DOCK5: variants seen among roughly 807,000 people sequenced by gnomAD.
DOCK5 encodes the protein dedicator of cytokinesis 5.
DOCK5 carries 142 observed loss-of-function variants against 251.8 expected under a neutral mutation model. That is an observed-to-expected ratio of 0.56 (90% confidence interval 0.49 to 0.65). The LOEUF (loss-of-function observed/expected upper bound fraction) is 0.65, where lower values mean the gene tolerates loss of function less well. DOCK5 is among the 30% of genes least tolerant of loss of function. The pLI is 0.00. For missense variants in DOCK5, 2,111 were observed against 2,312.3 expected (o/e 0.91, Z 1.79); for synonymous variants, 842 against 835.5 (o/e 1.01, Z -0.13).
intron 1 of DOCK5, among the ~76,000 whole-genome samples, chr8:25,231,346 C>G (rs969580245): frequency 6.6e-6 from 1 of 152,124 alleles, no homozygotes; most frequent in African/African-American, 2.4e-5. Flanking sequence ...ACAGTGCTTC[C>G]GTGAACTTTC....
chr8:25,299,054 A>G lies in DOCK5; in HGVS notation c.717A>G (p.Ala239=). ...KNFVCNIGED[A]ELFMALYDPD... ...TTGTCTGCAACATCGGGGAAGATGC[A>G]GAGTTGTTTATGGCCCTCTACGACC... Residue 239 remains alanine (A), a synonymous_variant, in exon 8 of 52, where the codon GCA becomes GCG. Transcript: ENST00000276440. 6.2e-7 allele frequency: 1 copy of G among 1,613,926 alleles called. No individual in the cohort carries two copies. The highest frequency in any genetic ancestry group is 8.5e-7 in the Non-Finnish European group (1 of 1,179,874).
chr8:25,358,946 T>C lies in DOCK5; in HGVS notation c.2851-17T>C, dbSNP rs187632291. On this transcript the variant is annotated splice_polypyrimidine_tract_variant and intron_variant, in intron 27 of 51. Transcript: ENST00000276440. ...GGTCTAAGGAGTCTTGGATTTGTGC[T>C]TTCCTTTTCCTTCCAGGGGAGTTTT... is the stretch of plus-strand genomic sequence containing the variant. The C allele has an allele frequency of 3.1e-6, 5 of 1,611,894 alleles. No individual in the cohort carries two copies. Among genetic ancestry groups the C allele is most frequent in the Non-Finnish European group, 4.2e-6 (5 of 1,177,944 alleles).
chr8:25,392,973 A>G, intron 44 of DOCK5, 91 bp downstream of exon 44: 1 of 1,136,262 alleles, frequency 8.8e-7, no homozygotes, highest in South Asian at 1.3e-5. Context: ...AGTTCACACC[A>G]GCTTGGCCAG....
rs913154829 is a variant in DOCK5 at position 25,185,057 on chromosome 8, GC to G, written c.43+107del. 1.3e-5 allele frequency: 15 copies of G among 1,186,246 alleles called. No individual in the cohort carries two copies. The African/African-American group carries it at 2.1e-4, about 16-fold the overall frequency. 73.5% of individuals were successfully genotyped at this position (1,186,246 alleles called of 1,614,324 possible). A position where few individuals can be genotyped will look rare whatever the true frequency, so the allele number is the denominator to read the frequency against. On this transcript the variant is annotated intron_variant, in intron 1 of 51. Coordinates refer to ENST00000276440, the MANE Select transcript of DOCK5 (RefSeq NM_024940.8). The stretch of plus-strand genomic sequence containing the variant: ...GCCCGGCGGAGGACCCTGGCCGGGG[GC>G]TCGGCCCGGCTGCGCAGCTCTGGGA...
At chr8:25,217,189 T>G (rs1510762) in intron 1 of DOCK5, among the ~76,000 whole-genome samples, 15,558 of 148,208 alleles carry the variant, frequency 0.1, 2,206 homozygotes, top group African/African-American at 0.33. Context: ...GAGAGAGAGA[T>G]ATATATATAT....
At chr8:25,316,971 C>G (rs374968332) in intron 13 of DOCK5, 36 bp from the exon 14 acceptor site, 156 of 1,608,966 alleles carry the variant, frequency 9.7e-5, no homozygotes, top group Non-Finnish European at 1.3e-4. Context: ...AATGACTTCT[C>G]TCAGCAACAC....
At chr8:25,279,429 AG>A (rs1804129818) in intron 5 of DOCK5, among the ~76,000 whole-genome samples, 1 of 152,062 alleles carries the variant, frequency 6.6e-6, no homozygotes, top group African/African-American at 2.4e-5. Context: ...ATTGGCAGCA[AG>A]TCTGCCTCAT....
intron 3 of DOCK5, among the ~76,000 whole-genome samples, chr8:25,271,450 G>A (rs1431026323): frequency 5.3e-5 from 8 of 152,212 alleles, no homozygotes; most frequent in African/African-American, 1.7e-4. Context: ...CCGTCATTAA[G>A]AGATCAGCTC....
chr8:25,411,118 T>C (rs556965754), intron 51 of DOCK5, 76 bp from the exon 52 acceptor site: 3 of 1,415,112 alleles, frequency 2.1e-6, no homozygotes, highest in South Asian at 1.5e-5. Flanking sequence ...AAGCAGAATA[T>C]GAGAAATAGG....
intron 18 of DOCK5, among the ~76,000 whole-genome samples, chr8:25,327,841 G>A (rs926640595): frequency 1.1e-4 from 16 of 152,094 alleles, no homozygotes; most frequent in Admixed American, 9.8e-4. Flanking sequence ...ATAGTTAATA[G>A]TATAGTGTAT....
intron 30 of DOCK5, among the ~76,000 whole-genome samples, chr8:25,365,364 G>C (rs139917264): frequency 1.2e-3 from 176 of 152,314 alleles, no homozygotes; most frequent in African/African-American, 4.0e-3. Flanking sequence ...GTCTTTGCGT[G>C]TATCTGTGGA....
intron 1 of DOCK5, among the ~76,000 whole-genome samples, chr8:25,199,600 C>A (rs1343258792): frequency 6.6e-6 from 1 of 152,190 alleles, no homozygotes; most frequent in Non-Finnish European, 1.5e-5. Context: ...CCAAGCTGGT[C>A]TTGAACTCCT....
intron 1 of DOCK5, among the ~76,000 whole-genome samples, chr8:25,201,560 C>T (rs1046569523): frequency 1.3e-5 from 2 of 152,152 alleles, no homozygotes; most frequent in Non-Finnish European, 2.9e-5. Flanking sequence ...GCTGTGGAGC[C>T]GGGCAGCCAA....
intron 38 of DOCK5, among the ~76,000 whole-genome samples, chr8:25,379,009 C>A (rs1398432362): frequency 2.0e-5 from 3 of 152,148 alleles, no homozygotes; most frequent in African/African-American, 7.2e-5. Context: ...GGTGTACCAA[C>A]AGGGAGCAGG....
intron 40 of DOCK5, among the ~76,000 whole-genome samples, chr8:25,385,107 G>T (rs1403947880): frequency 6.6e-6 from 1 of 152,158 alleles, no homozygotes; most frequent in Non-Finnish European, 1.5e-5. Context: ...AGTGCAGCAG[G>T]CACAGAGAGA....
chr8:25,233,708 C>G (rs1279475219), intron 1 of DOCK5, among the ~76,000 whole-genome samples: 5 of 152,186 alleles, frequency 3.3e-5, no homozygotes, highest in Non-Finnish European at 7.3e-5. Flanking sequence ...TGGTCTATCA[C>G]TTTTCTTTCT....
chr8:25,369,766 G>T lies in DOCK5; in HGVS notation c.3524+125G>T, dbSNP rs530432924. The T allele has an allele frequency of 2.9e-4, 211 of 715,438 alleles. 1 individual carries two copies. The African/African-American group carries it at 3.4e-3, about 11-fold the overall frequency. The allele number at this position is 715,438 out of a possible 1,614,324, so 44.3% of individuals were successfully genotyped here. ...GAGTCACTAGGGCCACCCCCACTGTGGTCTTCAGTATGGTTATGGGGTGTA... is the reference window on the plus strand; with the variant it reads ...GAGTCACTAGGGCCACCCCCACTGTTGTCTTCAGTATGGTTATGGGGTGTA... On this transcript the variant is annotated intron_variant, in intron 34 of 51. Transcript: ENST00000276440.
In DOCK5 at chr8:25,323,912, C is replaced by T; in HGVS notation, c.1680C>T (p.Thr560=). Residue 560 remains threonine, a synonymous_variant, in exon 17 of 52, where the codon ACC becomes ACT. Coordinates refer to ENST00000276440, the MANE Select transcript of DOCK5 (RefSeq NM_024940.8). ...AFVKLMNPDG[T]TLQDGRHDLV... is the part of the protein sequence containing the mutation. ...TGAAGCTGATGAACCCGGATGGCAC[C>T]ACTCTGCAGGATGGGAGGCACGATC... 6.2e-7 allele frequency: 1 copy of T among 1,613,322 alleles called. No homozygotes were observed. The highest frequency in any genetic ancestry group is 1.1e-5 in the South Asian group (1 of 90,840).
chr8:25,382,760 C>A lies in DOCK5; in HGVS notation c.4113C>A (p.Gly1371=), dbSNP rs748654502. The part of the protein sequence containing the change: ...EYFAVGYYGQ[G]FPSFLRNKIF... ...TTGCTGTTGGATACTATGGACAGGGCTTTCCTTCTTTCCTACGGGTAAGAA... is the reference window on the plus strand; with the variant it reads ...TTGCTGTTGGATACTATGGACAGGGATTTCCTTCTTTCCTACGGGTAAGAA... Residue 1371 remains glycine, a synonymous_variant, in exon 40 of 52, where the codon GGC becomes GGA. Coordinates refer to ENST00000276440, the MANE Select transcript of DOCK5 (RefSeq NM_024940.8). 6.2e-7 allele frequency: 1 copy of A among 1,613,334 alleles called. No homozygotes were observed. The highest frequency in any genetic ancestry group is 1.7e-5 in the Admixed American group (1 of 59,918).
Sources: allele counts gnomAD v4.1 joint callset (sites outside exome capture counted in the v4.1 genomes callset), GRCh38; gene constraint gnomAD v4.1.1; transcripts MANE v1.5; gene names NCBI Gene and HGNC (gene_info 2026-07-23, HGNC 2026-07-21).